Variants in MRC1 observed in about 807,000 individuals in gnomAD.
MRC1 encodes mannose receptor C-type 1.
A neutral mutation model predicts 102.9 loss-of-function variants in MRC1; 62 were observed. That is an observed-to-expected ratio of 0.60 (90% confidence interval 0.49 to 0.74). The LOEUF is 0.74. Among genes scored for constraint, MRC1 ranks in the 30% least tolerant of loss-of-function variants. The pLI is 0.00. For synonymous variants in MRC1, 457 were observed against 298.4 expected, an observed-to-expected ratio of 1.53 and a Z score of -5.48; for missense variants, 1,237 against 862.8, an observed-to-expected ratio of 1.43 and a Z score of -5.43.
chr10:17,866,306 A>AG (rs1554841467), intron 11 of MRC1, among the ~76,000 whole-genome samples: 2 of 152,214 alleles, frequency 1.3e-5, no homozygotes, highest in Middle Eastern at 6.8e-3. Flanking sequence ...GGAAGGAAGG[A>AG]GGGAGGGAGA....
chr10:17,825,345 A>G (rs1838457517), intron 2 of MRC1, among the ~76,000 whole-genome samples: 1 of 152,142 alleles, frequency 6.6e-6, no homozygotes, highest in African/African-American at 2.4e-5. Context: ...GAAGAAGACA[A>G]ATTGACTGCA....
intron 3 of MRC1, among the ~76,000 whole-genome samples, chr10:17,829,277 A>T (rs1838532237): frequency 6.6e-6 from 1 of 151,510 alleles, no homozygotes; most frequent in Non-Finnish European, 1.5e-5. Context: ...AAAATACCTG[A>T]ATTTGACGAA....
intron 4 of MRC1, among the ~76,000 whole-genome samples, chr10:17,839,270 A>C (rs1411484852): frequency 6.6e-6 from 1 of 152,236 alleles, no homozygotes; most frequent in African/African-American, 2.4e-5. Flanking sequence ...TTAGTTACGC[A>C]GTCTCAATAT....
chr10:17,845,765 C>T (rs1210007372), intron 6 of MRC1, among the ~76,000 whole-genome samples: 2 of 152,050 alleles, frequency 1.3e-5, no homozygotes, highest in Non-Finnish European at 2.9e-5. Context: ...ATGGCAAAAC[C>T]GGAATCCAAG....
chr10:17,863,727 C>T (rs928506714), intron 11 of MRC1, 45 bp downstream of exon 11: 8 of 773,802 alleles, frequency 1.0e-5, no homozygotes, highest in East Asian at 2.4e-5. Flanking sequence ...CCCTACGAAT[C>T]TGTTAGATAA....
chr10:17,864,827 C>CAAAAAAA (rs34931364), intron 11 of MRC1, among the ~76,000 whole-genome samples: 33 of 80,536 alleles, frequency 4.1e-4, no homozygotes, highest in African/African-American at 1.5e-3. Context: ...AAAACTCCAT[C>CAAAAAAA]AAAAAAAAAA....
In MRC1 at chr10:17,853,951, T is replaced by TG. The variant is rs1833034100; in HGVS notation, c.1407+827_1407+828insG. Among the ~76,000 whole-genome samples, 523 of 152,138 alleles carry TG rather than the reference T, an allele frequency of 3.4e-3. 4 individuals are homozygous for TG. Among genetic ancestry groups the TG allele is most frequent in the African/African-American group, 0.011 (437 of 41,508 alleles). On this transcript the variant is annotated intron_variant, in intron 8 of 29. Transcript: ENST00000569591. ...TCACCTGTGGATATGAGGTTTTTTT[T>TG]TTTGTTGTTGTTGTTGTTTGTTTGT...
intron 4 of MRC1, among the ~76,000 whole-genome samples, chr10:17,834,209 C>G (rs1838625829): frequency 6.6e-6 from 1 of 152,198 alleles, no homozygotes; most frequent in African/African-American, 2.4e-5. Flanking sequence ...ACAGGTCTTT[C>G]ATTAGCCTCA....
At chr10:17,904,844 G>A (rs1040185188) in intron 26 of MRC1, among the ~76,000 whole-genome samples, 10 of 152,232 alleles carry the variant, frequency 6.6e-5, no homozygotes, top group East Asian at 1.9e-4. Context: ...TACATTCCCC[G>A]GAATTTGTCA....
At chr10:17,815,552 C>G (rs2477646) in intron 1 of MRC1, among the ~76,000 whole-genome samples, 18,171 of 152,162 alleles carry the variant, frequency 0.12, 1,518 homozygotes, top group African/African-American at 0.24. Flanking sequence ...GGAAGGAAGC[C>G]TCTTCTACTG....
chr10:17,855,004 T>C, intron 8 of MRC1, among the ~76,000 whole-genome samples: 1 of 152,158 alleles, frequency 6.6e-6, no homozygotes, highest in East Asian at 1.9e-4. Context: ...AAAACATTTT[T>C]TTCAAGATGT....
chr10:17,810,208 C>T (rs2130563591), intron 1 of MRC1, among the ~76,000 whole-genome samples: 1 of 152,260 alleles, frequency 6.6e-6, no homozygotes, highest in African/African-American at 2.4e-5. Context: ...AATACCTTTT[C>T]CAGTCTGTCT....
At chr10:17,867,199 T>C (rs1350804221) in intron 12 of MRC1, among the ~76,000 whole-genome samples, 4 of 146,894 alleles carry the variant, frequency 2.7e-5, no homozygotes, top group Non-Finnish European at 6.0e-5. Flanking sequence ...CCCTTCCTCC[T>C]GTCTTCCCTC....
intron 16 of MRC1, 40 bp from the exon 17 acceptor site, chr10:17,875,050 T>A: frequency 1.3e-6 from 1 of 780,690 alleles, no homozygotes; most frequent in Non-Finnish European, 2.4e-6. Flanking sequence ...CTTGAATTTG[T>A]CTGCATAAAA....
intron 9 of MRC1, among the ~76,000 whole-genome samples, chr10:17,859,841 C>T (rs1833155569): frequency 6.6e-6 from 1 of 152,178 alleles, no homozygotes; most frequent in Non-Finnish European, 1.5e-5. Context: ...TTGGAACTGT[C>T]ACTCATCTGC....
intron 21 of MRC1, 112 bp downstream of exon 21, chr10:17,881,293 A>T (rs1044687698): frequency 3.4e-5 from 24 of 707,744 alleles, no homozygotes; most frequent in Middle Eastern, 3.6e-4. Flanking sequence ...TGTAAAAGCT[A>T]AAAAAGTGGA....
intron 1 of MRC1, among the ~76,000 whole-genome samples, chr10:17,813,694 ATATATAT>A (rs1838261468): frequency 9.9e-6 from 1 of 100,788 alleles, no homozygotes; most frequent in Non-Finnish European, 2.1e-5. Flanking sequence ...ATATATATAT[ATATATAT>A]TTTTTTTTTT....
chr10:17,873,037 G>C (rs1341697334), intron 15 of MRC1, among the ~76,000 whole-genome samples: 3 of 152,094 alleles, frequency 2.0e-5, no homozygotes, highest in Non-Finnish European at 4.4e-5. Context: ...GTCCTTTAAT[G>C]GTCTCTTATC....
chr10:17,823,604 G>C (rs1838430891), intron 2 of MRC1, 129 bp downstream of exon 2: 1 of 726,036 alleles, frequency 1.4e-6, no homozygotes. Context: ...GCATCTTTGT[G>C]TTTTCAACTA....
Sources: allele counts gnomAD v4.1 joint callset (sites outside exome capture counted in the v4.1 genomes callset), GRCh38; gene constraint gnomAD v4.1.1; transcripts MANE v1.5; gene names NCBI Gene and HGNC (gene_info 2026-07-23, HGNC 2026-07-21).